SMARCD3: variants seen among roughly 807,000 people sequenced by gnomAD.
The protein encoded by SMARCD3 is SWI/SNF related BAF chromatin remodeling complex subunit D3.
SMARCD3 carries 14 observed loss-of-function variants against 58.0 expected under a neutral mutation model. The ratio of observed to expected loss-of-function variants is 0.24; its 90% CI spans 0.16 to 0.38. The LOEUF is 0.38. Ranked by LOEUF, SMARCD3 falls within the 10% of genes least tolerant of loss-of-function variation. The probability of loss-of-function intolerance (pLI) is 1.00; values close to 1 mark genes in which losing one functional copy is unlikely to be tolerated. For missense variants in SMARCD3, 408 were observed against 636.9 expected, an observed-to-expected ratio of 0.64 and a Z score of 3.87; for synonymous variants, 253 against 253.8, an observed-to-expected ratio of 1.00 and a Z score of 0.03.
chr7:151,273,429 G>C (rs530230782), intron 2 of SMARCD3, among the ~76,000 whole-genome samples: 8 of 152,306 alleles, frequency 5.3e-5, no homozygotes, highest in Non-Finnish European at 7.4e-5. Flanking sequence ...CTCTCCACGT[G>C]GGGGACCACT....
Position 151,238,828 on chromosome 7 carries a change from T to C in SMARCD3, c.*275A>G. The C allele has an allele frequency of 6.6e-7, 1 of 1,525,636 alleles. No individual in the cohort carries two copies. Among genetic ancestry groups the C allele is most frequent in the Non-Finnish European group, 8.8e-7 (1 of 1,136,564 alleles). The allele number at this position is 1,525,636 out of a possible 1,614,324, so 94.5% of individuals were successfully genotyped here. A position where few individuals can be genotyped will look rare whatever the true frequency, so the allele number is the denominator to read the frequency against. Reference sequence around the variant, plus strand: ...TAAACATGTCTTCTGCCAAACTGTTTTTAGGTCTAGGGAAAATTGAGTAAG... The same window carrying C: ...TAAACATGTCTTCTGCCAAACTGTTCTTAGGTCTAGGGAAAATTGAGTAAG... On this transcript the variant is annotated 3_prime_UTR_variant, in exon 13 of 13. Transcript: ENST00000262188.
intron 2 of SMARCD3, among the ~76,000 whole-genome samples, chr7:151,265,501 G>A (rs1804052129): frequency 6.6e-6 from 1 of 152,190 alleles, no homozygotes; most frequent in Non-Finnish European, 1.5e-5. Flanking sequence ...TGGCCCTAGT[G>A]ACCCAACACC....
rs1318542322 is a variant in SMARCD3, at chr7:151,248,152, A to G, written c.78+333T>C. On this transcript the variant is annotated intron_variant, in intron 1 of 12. Coordinates refer to ENST00000262188, the MANE Select transcript of SMARCD3 (RefSeq NM_001003801.2). The surrounding 1 kb of genome is among the most constrained non-coding windows in gnomAD (Gnocchi z 6.1). ...CCCCCACCCCCAGGGCAGGGGCAAC[A>G]CCTGGGCCCACAAGGAAAAGAACGA... Among the ~76,000 whole-genome samples, 1 of 144,422 alleles carries G rather than the reference A, an allele frequency of 6.9e-6. No homozygotes were observed. The highest frequency in any genetic ancestry group is 1.5e-5 in the Non-Finnish European group (1 of 65,860). 94.7% of individuals were successfully genotyped at this position (144,422 alleles called of 152,430 possible). A position where few individuals can be genotyped will look rare whatever the true frequency, so the allele number is the denominator to read the frequency against.
At chr7:151,271,821 G>T (rs923353129) in intron 2 of SMARCD3, among the ~76,000 whole-genome samples, 18 of 152,060 alleles carry the variant, frequency 1.2e-4, no homozygotes, top group African/African-American at 4.1e-4. Context: ...AAGCTAGGGG[G>T]CATTGTGGCT....
At position 151,242,687 on chromosome 7, in the gene SMARCD3, CTA is replaced by C. The variant is rs1412921310; in HGVS notation, c.456+32_456+33del. The C allele has an allele frequency of 5.6e-6, 9 of 1,613,866 alleles. No homozygotes were observed. Among genetic ancestry groups the C allele is most frequent in the Non-Finnish European group, 6.8e-6 (8 of 1,179,932 alleles). ...GCTTCCCCATCCTGGTCACACAACT[CTA>C]GAGTCCCCTTCCTACCCCCGAACTA... On this transcript the variant is annotated intron_variant, in intron 4 of 12. Transcript: ENST00000262188. This position sits in a 1 kb window ranked among gnomAD's most constrained non-coding sequence, Gnocchi z 4.7.
At chr7:151,266,656 G>A (rs970371760) in intron 2 of SMARCD3, among the ~76,000 whole-genome samples, 4 of 152,160 alleles carry the variant, frequency 2.6e-5, no homozygotes, top group African/African-American at 7.2e-5. Flanking sequence ...ACATCCAGCC[G>A]GCAATGTGCT....
chr7:151,262,448 A>G (rs1443708231), intron 2 of SMARCD3, among the ~76,000 whole-genome samples: 1 of 152,198 alleles, frequency 6.6e-6, no homozygotes, highest in Non-Finnish European at 1.5e-5. Context: ...AGGTTTGGGA[A>G]CTGCTGGTAA....
chr7:151,243,607 G>A lies in SMARCD3; in HGVS notation c.333+52C>T, dbSNP rs571231796. On this transcript the variant is annotated intron_variant, in intron 3 of 12. Transcript: ENST00000262188. The surrounding 1 kb of genome is among the most constrained non-coding windows in gnomAD (Gnocchi z 4.4). ...TGCTTCTGAGGGGGGAGGGGAGGGC[G>A]GAGCAGCAAAGGGTGGGGGGTGGGC... 51 of 1,000,514 alleles carry A rather than the reference G, an allele frequency of 5.1e-5. No homozygotes were observed. The Middle Eastern group carries it at 1.2e-3, about 23-fold the overall frequency. 62.0% of individuals were successfully genotyped at this position (1,000,514 alleles called of 1,614,324 possible).
chr7:151,243,781 G>T lies in SMARCD3; in HGVS notation c.291-80C>A. ...ACGAGGCCACCTGCTAGATTATCCC[G>T]ACATCTCCGCCCGCCTGGCTGGGGT... On this transcript the variant is annotated intron_variant, in intron 2 of 12. Transcript: ENST00000262188. The surrounding 1 kb of genome is among the most constrained non-coding windows in gnomAD (Gnocchi z 4.4). 4.0e-6 allele frequency: 4 copies of T among 989,588 alleles called. No individual in the cohort carries two copies. Among genetic ancestry groups the T allele is most frequent in the Non-Finnish European group, 6.5e-6 (4 of 610,976 alleles). The allele number at this position is 989,588 out of a possible 1,614,324, so 61.3% of individuals were successfully genotyped here. A position where few individuals can be genotyped will look rare whatever the true frequency, so the allele number is the denominator to read the frequency against.
intron 2 of SMARCD3, among the ~76,000 whole-genome samples, chr7:151,272,473 A>G (rs1401797511): frequency 6.6e-6 from 1 of 152,114 alleles, no homozygotes; most frequent in East Asian, 1.9e-4. Context: ...CTTATGGCAC[A>G]GTGTCCCTCA....
upstream of SMARCD3, among the ~76,000 whole-genome samples, chr7:151,252,376 C>G (rs1201002181): frequency 1.3e-5 from 2 of 152,066 alleles, no homozygotes; most frequent in Non-Finnish European, 2.9e-5. Context: ...CAATAAAGCT[C>G]TCCTTAGGAG....
chr7:151,242,098 A>G lies in SMARCD3; in HGVS notation c.675+39T>C. 1 of 1,555,540 alleles carries G rather than the reference A, an allele frequency of 6.4e-7. No individual in the cohort carries two copies. The highest frequency in any genetic ancestry group is 8.9e-7 in the Non-Finnish European group (1 of 1,126,816). ...TTCTTCAGGGATTCTGGCCTGTGGG[A>G]GGGTGGCAATTCAAGGGCGGAGGGG... is the stretch of plus-strand genomic sequence containing the variant. On this transcript the variant is annotated intron_variant, in intron 6 of 12. Coordinates refer to ENST00000262188, the MANE Select transcript of SMARCD3 (RefSeq NM_001003801.2). This position sits in a 1 kb window ranked among gnomAD's most constrained non-coding sequence, Gnocchi z 4.7.
intron 2 of SMARCD3, among the ~76,000 whole-genome samples, chr7:151,244,001 A>G (rs1190069506): frequency 1.3e-5 from 2 of 152,206 alleles, no homozygotes; most frequent in East Asian, 1.9e-4. Context: ...CTGCCAAAAG[A>G]TGCGAGCTGC....
intron 2 of SMARCD3, among the ~76,000 whole-genome samples, chr7:151,261,042 G>A (rs976629814): frequency 6.6e-6 from 1 of 152,186 alleles, no homozygotes; most frequent in East Asian, 1.9e-4. Flanking sequence ...TCACCAAGGG[G>A]TGGGCGGTGG....
At position 151,242,117 on chromosome 7, in the gene SMARCD3, G is replaced by T; in HGVS notation, c.675+20C>A. On this transcript the variant is annotated intron_variant, in intron 6 of 12. Transcript: ENST00000262188. This position sits in a 1 kb window ranked among gnomAD's most constrained non-coding sequence, Gnocchi z 4.7. ...TGTGGGAGGGTGGCAATTCAAGGGC[G>T]GAGGGGCTCTTGGTCTTACCTCAAC... is the stretch of plus-strand genomic sequence containing the variant. 6.3e-7 allele frequency: 1 copy of T among 1,589,116 alleles called. No homozygotes were observed. Among genetic ancestry groups the T allele is most frequent in the Non-Finnish European group, 8.6e-7 (1 of 1,157,234 alleles).
intron 2 of SMARCD3, among the ~76,000 whole-genome samples, chr7:151,261,249 T>G (rs1449102336): frequency 6.6e-6 from 1 of 152,214 alleles, no homozygotes; most frequent in African/African-American, 2.4e-5. Context: ...TTCTTTACTG[T>G]GGGAGCTGCC....
chr7:151,270,516 T>C (rs948991646), intron 2 of SMARCD3, among the ~76,000 whole-genome samples: 5 of 152,110 alleles, frequency 3.3e-5, no homozygotes, highest in African/African-American at 1.2e-4. Flanking sequence ...ATTAGCCTCT[T>C]TGGTAGGTGC....
upstream of SMARCD3, among the ~76,000 whole-genome samples, chr7:151,251,907 TG>T (rs907614258): frequency 0.011 from 1,573 of 144,898 alleles, 36 homozygotes; most frequent in African/African-American, 0.037. Flanking sequence ...GCCGGGGAGC[TG>T]GGGGGGCTCG....
chr7:151,270,612 G>C (rs1449278340), intron 2 of SMARCD3, among the ~76,000 whole-genome samples: 1 of 152,188 alleles, frequency 6.6e-6, no homozygotes, highest in Non-Finnish European at 1.5e-5. Flanking sequence ...TGACGTGGAG[G>C]CTTCAAGGAT....
Sources: allele counts gnomAD v4.1 joint callset (sites outside exome capture counted in the v4.1 genomes callset), GRCh38; gene constraint gnomAD v4.1.1; non-coding constraint Gnocchi (gnomAD v3.1); transcripts MANE v1.5; gene names NCBI Gene and HGNC (gene_info 2026-07-23, HGNC 2026-07-21).